GUCD1: variants seen among roughly 807,000 people sequenced by gnomAD.
GUCD1 encodes guanylyl cyclase domain containing 1.
A neutral mutation model predicts 28.3 loss-of-function variants in GUCD1; 17 were observed. That is an observed-to-expected ratio of 0.60 (90% CI 0.41 to 0.90). The LOEUF is 0.90. Among genes scored for constraint, GUCD1 ranks in the 40% least tolerant of loss-of-function variants. The pLI is 0.00. For synonymous variants in GUCD1, 129 were observed against 123.3 expected (o/e 1.05, Z -0.30); for missense variants, 279 against 305.5 (o/e 0.91, Z 0.65).
Position 24,546,924 on chromosome 22 carries a change from C to T in GUCD1, c.376G>A (p.Val126Met). 3 of 1,613,952 alleles carry T rather than the reference C, an allele frequency of 1.9e-6. No individual in the cohort carries two copies. Among genetic ancestry groups the T allele is most frequent in the Non-Finnish European group, 2.5e-6 (3 of 1,179,928 alleles). ...AGTTGGGGGGCTCACCATTTCTCCA[C>T]CAGCACCTTGCAGGCCTTTGCTTGT... ...FAQAKACKVL[V>M]EKCTVSVKDI... Residue 126 changes from valine to methionine, a missense_variant, in exon 4 of 6, where the codon GTG becomes ATG. Coordinates refer to ENST00000435822, the MANE Select transcript of GUCD1 (RefSeq NM_001284254.2).
rs1258776102 is a variant in GUCD1 at position 24,541,717 on chromosome 22, C to G, written c.*1289G>C. 6.6e-6 allele frequency: 1 copy of G among 152,144 alleles called. No individual in the cohort carries two copies. The highest frequency in any genetic ancestry group is 2.4e-5 in the African/African-American group (1 of 41,434). 9.4% of individuals were successfully genotyped at this position (152,144 alleles called of 1,614,324 possible). Reference sequence around the variant, plus strand: ...GCTCCACCACTGTCCTGAGCAGACTCCCAAGACTGGGCCAGCTGCCTCGTC... The same window carrying G: ...GCTCCACCACTGTCCTGAGCAGACTGCCAAGACTGGGCCAGCTGCCTCGTC... On this transcript the variant is annotated 3_prime_UTR_variant, in exon 6 of 6. Coordinates refer to ENST00000435822, the MANE Select transcript of GUCD1 (RefSeq NM_001284254.2).
chr22:24,550,852 C>G (rs2044853090), intron 1 of GUCD1, among the ~76,000 whole-genome samples: 1 of 152,228 alleles, frequency 6.6e-6, no homozygotes, highest in Non-Finnish European at 1.5e-5. Flanking sequence ...TTTCACTCAT[C>G]TGTACTTCTC....
At chr22:24,543,153 A>G in intron 5 of GUCD1, 56 bp from the exon 6 acceptor site, 3 of 1,238,132 alleles carry the variant, frequency 2.4e-6, no homozygotes, top group African/African-American at 1.5e-5. Context: ...GAGCACCTAC[A>G]CCACCGACAC....
chr22:24,542,941 T>C lies in GUCD1; in HGVS notation c.*65A>G. 2 of 1,211,534 alleles carry C rather than the reference T, an allele frequency of 1.7e-6. No individual in the cohort carries two copies. Among genetic ancestry groups the C allele is most frequent in the East Asian group, 2.3e-5 (1 of 42,856 alleles). The allele number at this position is 1,211,534 out of a possible 1,614,324, so 75.0% of individuals were successfully genotyped here. On this transcript the variant is annotated 3_prime_UTR_variant, in exon 6 of 6. Coordinates refer to ENST00000435822, the MANE Select transcript of GUCD1 (RefSeq NM_001284254.2). ...GCAGCCCCAAGCCTGGGCCAGGGCATCCTGAGCGGGCCCGGCTGGGGTGGG... is the reference window on the plus strand; with the variant it reads ...GCAGCCCCAAGCCTGGGCCAGGGCACCCTGAGCGGGCCCGGCTGGGGTGGG...
chr22:24,553,230 A>C (rs2044930647), intron 1 of GUCD1, among the ~76,000 whole-genome samples: 1 of 152,204 alleles, frequency 6.6e-6, no homozygotes, highest in African/African-American at 2.4e-5. Context: ...AGGAGTGTCC[A>C]ATCTTTTGGC....
At chr22:24,552,545 G>A (rs773726017) in intron 1 of GUCD1, among the ~76,000 whole-genome samples, 1 of 152,188 alleles carries the variant, frequency 6.6e-6, no homozygotes, top group Non-Finnish European at 1.5e-5. Flanking sequence ...GCCAAGGCAG[G>A]CGGATCACTT....
chr22:24,546,587 G>T (rs572653842), intron 4 of GUCD1, among the ~76,000 whole-genome samples: 1 of 152,124 alleles, frequency 6.6e-6, no homozygotes, highest in African/African-American at 2.4e-5. Flanking sequence ...TTAGGCCATC[G>T]CCCTTTCATT....
At chr22:24,551,780 G>A (rs1027445379) in intron 1 of GUCD1, among the ~76,000 whole-genome samples, 7 of 152,230 alleles carry the variant, frequency 4.6e-5, no homozygotes, top group Non-Finnish European at 4.4e-5. Flanking sequence ...ACTCTCTTGA[G>A]ACGGCAAGCT....
Position 24,548,935 on chromosome 22 carries a change from C to T in GUCD1, c.110G>A (p.Cys37Tyr), listed in dbSNP as rs1260529156. ...CACTCACCGCAGCACCATCCTGGAG[C>T]AGGCCAGGCCACAGTCCCAGTGGTA... ...QLYHWDCGLA[C>Y]SRMVLRYLGQ... Residue 37 changes from cysteine to tyrosine, a missense_variant, in exon 2 of 6, where the codon TGC becomes TAC. Physicochemically the swap from Cys to Tyr is radical, Grantham distance 194. Transcript: ENST00000435822. 4.4e-6 allele frequency: 7 copies of T among 1,581,970 alleles called. No individual in the cohort carries two copies. The highest frequency in any genetic ancestry group is 5.2e-6 in the Non-Finnish European group (6 of 1,163,634).
At chr22:24,546,793 C>CGGG in intron 4 of GUCD1, 121 bp downstream of exon 4, 1 of 861,332 alleles carries the variant, frequency 1.2e-6, no homozygotes, top group Non-Finnish European at 1.9e-6. Flanking sequence ...CCCGGGTAGC[C>CGGG]AGTTCTGCCT....
chr22:24,554,859 C>T, intron 1 of GUCD1, 90 bp downstream of exon 1: 2 of 1,062,576 alleles, frequency 1.9e-6, no homozygotes, highest in South Asian at 2.7e-5. Flanking sequence ...GGGAGTCGGC[C>T]CAAGGTCGCG....
rs1390959767 is a variant in GUCD1, at chr22:24,541,887, T to C, written c.*1119A>G. 1.3e-5 allele frequency: 2 copies of C among 152,244 alleles called. No homozygotes were observed. The highest frequency in any genetic ancestry group is 2.9e-5 in the Non-Finnish European group (2 of 68,052). 9.4% of individuals were successfully genotyped at this position (152,244 alleles called of 1,614,324 possible). A position where few individuals can be genotyped will look rare whatever the true frequency, so the allele number is the denominator to read the frequency against. ...ACCTTCACTCTTGCTATTACTGTTT[T>C]ACTTGAAGGTGATTACCCCTCAAAA... On this transcript the variant is annotated 3_prime_UTR_variant, in exon 6 of 6. Transcript: ENST00000435822.
intron 1 of GUCD1, among the ~76,000 whole-genome samples, chr22:24,553,484 T>G (rs1173999132): frequency 6.6e-6 from 1 of 152,186 alleles, no homozygotes; most frequent in Admixed American, 6.5e-5. Context: ...TAGATATGCT[T>G]GGGGAATGGA....
intron 4 of GUCD1, among the ~76,000 whole-genome samples, chr22:24,545,886 C>T (rs1004747721): frequency 2.0e-5 from 3 of 151,220 alleles, no homozygotes; most frequent in African/African-American, 4.9e-5. Context: ...CCACCGTGCC[C>T]GGCCTGTTTT....
Position 24,542,911 on chromosome 22 carries a change from C to A in GUCD1, c.*95G>T, listed in dbSNP as rs2044627560. 2 of 865,614 alleles carry A rather than the reference C, an allele frequency of 2.3e-6. No homozygotes were observed. The highest frequency in any genetic ancestry group is 2.0e-6 in the Non-Finnish European group (1 of 510,560). The allele number at this position is 865,614 out of a possible 1,614,324, so 53.6% of individuals were successfully genotyped here. On this transcript the variant is annotated 3_prime_UTR_variant, in exon 6 of 6. Coordinates refer to ENST00000435822, the MANE Select transcript of GUCD1 (RefSeq NM_001284254.2). The stretch of plus-strand genomic sequence containing the variant: ...CTGAGGCTGCAGTTCCACATTCCAA[C>A]CCCAGCAGCCCCAAGCCTGGGCCAG...
Position 24,548,901 on chromosome 22 carries a change from C to A in GUCD1, c.128+16G>T. On this transcript the variant is annotated intron_variant, in intron 2 of 5. Transcript: ENST00000435822. ...AGATGGGAAGCACCTGGGCCCCCAG[C>A]CCTGGCCCCACTCACCGCAGCACCA... 1.9e-6 allele frequency: 3 copies of A among 1,555,634 alleles called. No individual in the cohort carries two copies.
At chr22:24,547,851 G>C (rs2044767511) in intron 3 of GUCD1, 57 bp downstream of exon 3, 1 of 1,570,906 alleles carries the variant, frequency 6.4e-7, no homozygotes, top group African/African-American at 1.3e-5. Flanking sequence ...CTGGAACCAG[G>C]TGGCCTTATA....
chr22:24,547,142 T>C (rs1040916753), intron 3 of GUCD1, 137 bp from the exon 4 acceptor site: 2 of 675,710 alleles, frequency 3.0e-6, no homozygotes, highest in African/African-American at 3.5e-5. Flanking sequence ...GGGCAGACGG[T>C]ACATGCAGCA....
In GUCD1 at chr22:24,540,479, A is replaced by G. The variant is rs1223240484; in HGVS notation, c.*2527T>C. 1 of 152,256 alleles carries G rather than the reference A, an allele frequency of 6.6e-6. No homozygotes were observed. The highest frequency in any genetic ancestry group is 1.5e-5 in the Non-Finnish European group (1 of 68,048). The allele number at this position is 152,256 out of a possible 1,614,324, so 9.4% of individuals were successfully genotyped here. A position where few individuals can be genotyped will look rare whatever the true frequency, so the allele number is the denominator to read the frequency against. ...ATGTTTATTGAGAATGGCTCATTACAAACAAAATATATATAAAATCTCTGC... is the reference window on the plus strand; with the variant it reads ...ATGTTTATTGAGAATGGCTCATTACGAACAAAATATATATAAAATCTCTGC... On this transcript the variant is annotated 3_prime_UTR_variant, in exon 6 of 6. Coordinates refer to ENST00000435822, the MANE Select transcript of GUCD1 (RefSeq NM_001284254.2).
Sources: gnomAD v4.1 joint callset for allele counts (sites outside exome capture counted in the v4.1 genomes callset) on GRCh38, gnomAD v4.1.1 for gene constraint, MANE v1.5 for transcripts, NCBI Gene and HGNC (gene_info 2026-07-23, HGNC 2026-07-21) for gene names.